PDZRN3: variants seen among roughly 807,000 people sequenced by gnomAD.
PDZRN3 encodes PDZ domain containing ring finger 3, also known as E3 ubiquitin-protein ligase PDZRN3.
Under a neutral mutation model 85.7 loss-of-function variants are expected in PDZRN3, and 38 were observed. The observed-to-expected ratio is 0.44, with a 90% CI of 0.34 to 0.58. The LOEUF (loss-of-function observed/expected upper bound fraction) is 0.58, where lower values mean the gene tolerates loss of function less well. PDZRN3 is among the 20% of genes least tolerant of loss of function. The pLI is 0.01. For synonymous variants in PDZRN3, 759 were observed against 638.0 expected, an observed-to-expected ratio of 1.19 and a Z score of -2.86; for missense variants, 1,629 against 1,506.4, an observed-to-expected ratio of 1.08 and a Z score of -1.35.
chr3:73,517,343 C>T (rs896309915), intron 3 of PDZRN3, among the ~76,000 whole-genome samples: 2 of 152,176 alleles, frequency 1.3e-5, no homozygotes, highest in Non-Finnish European at 2.9e-5. Flanking sequence ...ATTTTCCAAA[C>T]AGGTCTTCTT....
At chr3:73,534,784 C>G (rs1312243804) in intron 3 of PDZRN3, among the ~76,000 whole-genome samples, 1 of 152,204 alleles carries the variant, frequency 6.6e-6, no homozygotes, top group East Asian at 1.9e-4. Flanking sequence ...CTTTACGGAA[C>G]TGAGGCTCAG....
At chr3:73,463,577 G>A (rs1478407980) in intron 3 of PDZRN3, among the ~76,000 whole-genome samples, 1 of 152,190 alleles carries the variant, frequency 6.6e-6, no homozygotes, top group African/African-American at 2.4e-5. Context: ...TACACTGTGT[G>A]GGGAGTGTAA....
chr3:73,551,518 A>C (rs1575729959), intron 3 of PDZRN3, among the ~76,000 whole-genome samples: 1 of 152,082 alleles, frequency 6.6e-6, no homozygotes, highest in Admixed American at 6.6e-5. Flanking sequence ...CCTCGTCTCT[A>C]CAAAAAATAA....
At chr3:73,508,541 C>T (rs1318717652) in intron 3 of PDZRN3, among the ~76,000 whole-genome samples, 1 of 152,150 alleles carries the variant, frequency 6.6e-6, no homozygotes, top group Admixed American at 6.5e-5. Context: ...AGGAGACTAT[C>T]AGTGACTTAA....
chr3:73,548,412 G>A (rs1482169242), intron 3 of PDZRN3, among the ~76,000 whole-genome samples: 1 of 152,208 alleles, frequency 6.6e-6, no homozygotes, highest in Non-Finnish European at 1.5e-5. Context: ...TCCCTGAGAG[G>A]TGAACACTCT....
At chr3:73,448,801 C>G (rs1184967088) in intron 3 of PDZRN3, among the ~76,000 whole-genome samples, 1 of 152,198 alleles carries the variant, frequency 6.6e-6, no homozygotes, top group Non-Finnish European at 1.5e-5. Context: ...TATGTAACAC[C>G]TCAAGCCAGA....
chr3:73,505,100 T>C (rs1704047079), intron 3 of PDZRN3, among the ~76,000 whole-genome samples: 1 of 152,188 alleles, frequency 6.6e-6, no homozygotes, highest in African/African-American at 2.4e-5. Flanking sequence ...GTGACACCCA[T>C]GGGAGGTGGC....
At chr3:73,584,457 GTGTGT>G (rs372707645) in intron 3 of PDZRN3, among the ~76,000 whole-genome samples, 14,965 of 52,744 alleles carry the variant, frequency 0.28, 834 homozygotes, top group Admixed American at 0.34. Context: ...TTAATGGTGT[GTGTGT>G]GTGTGTGTGT....
chr3:73,584,856 T>G (rs1393035517), intron 3 of PDZRN3, among the ~76,000 whole-genome samples: 1 of 152,206 alleles, frequency 6.6e-6, no homozygotes, highest in Non-Finnish European at 1.5e-5. Context: ...TTTTTAACTT[T>G]TGTAATTGGG....
At chr3:73,394,603 T>G (rs1457612141) in intron 5 of PDZRN3, among the ~76,000 whole-genome samples, 2 of 152,206 alleles carry the variant, frequency 1.3e-5, no homozygotes, top group African/African-American at 2.4e-5. Context: ...CAAAGGGTAT[T>G]CTGGAGCTTA....
chr3:73,460,317 T>C (rs1217654760), intron 3 of PDZRN3, among the ~76,000 whole-genome samples: 3 of 152,190 alleles, frequency 2.0e-5, no homozygotes, highest in Non-Finnish European at 4.4e-5. Flanking sequence ...TTCTCTCCAT[T>C]GATCCTTCCT....
At chr3:73,586,190 C>T (rs550972085) in intron 3 of PDZRN3, among the ~76,000 whole-genome samples, 11 of 152,280 alleles carry the variant, frequency 7.2e-5, no homozygotes, top group African/African-American at 2.6e-4. Flanking sequence ...CATTCATTCC[C>T]CTGCTTCTAA....
In PDZRN3 at chr3:73,624,108, C is replaced by G. The variant is rs1229374023; in HGVS notation, c.718G>C (p.Gly240Arg). ...GGCGGGCAGCAGGCGCCTACCTTGCCGCCGGGCGGCGCGGCCACGCAGCGG... is the reference window on the plus strand; with the variant it reads ...GGCGGGCAGCAGGCGCCTACCTTGCGGCCGGGCGGCGCGGCCACGCAGCGG... ...LSRCVAAPPG[G>R]KGEETKSLTL... Residue 240 changes from glycine to arginine, a missense_variant, in exon 1 of 10, where the codon GGC becomes CGC. Transcript: ENST00000263666. 6.9e-7 allele frequency: 1 copy of G among 1,456,836 alleles called. No homozygotes were observed. The highest frequency in any genetic ancestry group is 9.0e-7 in the Non-Finnish European group (1 of 1,113,100). 90.2% of individuals were successfully genotyped at this position (1,456,836 alleles called of 1,614,324 possible).
In PDZRN3 at chr3:73,507,869, G is replaced by A. The variant is rs112561624; in HGVS notation, c.918+94485C>T. Among the ~76,000 whole-genome samples, 1,014 of 152,212 alleles carry A rather than the reference G, an allele frequency of 6.7e-3. 4 individuals are homozygous for A. The highest frequency in any genetic ancestry group is 0.012 in the Non-Finnish European group (799 of 68,018). ...AGCACTTTGGGAGGACGAGGTGGGC[G>A]ATCATTTGAGGCCAGGAGTTCCAGA... On this transcript the variant is annotated intron_variant, in intron 3 of 9. Transcript: ENST00000263666.
intron 3 of PDZRN3, among the ~76,000 whole-genome samples, chr3:73,482,125 T>C (rs1703574894): frequency 6.6e-6 from 1 of 152,200 alleles, no homozygotes; most frequent in African/African-American, 2.4e-5. Context: ...ATGTGATGAT[T>C]AGTTATGTCT....
intron 3 of PDZRN3, among the ~76,000 whole-genome samples, chr3:73,438,106 C>G (rs184980003): frequency 2.6e-4 from 39 of 152,290 alleles, no homozygotes; most frequent in African/African-American, 9.1e-4. Flanking sequence ...GCACTCTTCT[C>G]GGGTGCTCTG....
At chr3:73,548,340 G>A (rs76536732) in intron 3 of PDZRN3, among the ~76,000 whole-genome samples, 144 of 152,344 alleles carry the variant, frequency 9.5e-4, no homozygotes, top group African/African-American at 3.2e-3. Context: ...TGGGAGTTAC[G>A]AAGCAGAAGA....
At chr3:73,622,117 A>G (rs939301483) in intron 1 of PDZRN3, among the ~76,000 whole-genome samples, 3 of 152,204 alleles carry the variant, frequency 2.0e-5, no homozygotes, top group Non-Finnish European at 2.9e-5. Flanking sequence ...CTGGCGCCTG[A>G]TTGAAGACCA....
chr3:73,610,697 T>C (rs1347941553), intron 1 of PDZRN3, among the ~76,000 whole-genome samples: 1 of 152,214 alleles, frequency 6.6e-6, no homozygotes, highest in Non-Finnish European at 1.5e-5. Context: ...AGTTACACAG[T>C]AATCCAAGGC....
Sources: allele counts gnomAD v4.1 joint callset (sites outside exome capture counted in the v4.1 genomes callset), GRCh38; gene constraint gnomAD v4.1.1; transcripts MANE v1.5; gene names NCBI Gene and HGNC (gene_info 2026-07-23, HGNC 2026-07-21).